C5orf22: variants seen among roughly 807,000 people sequenced by gnomAD.
C5orf22 encodes chromosome 5 open reading frame 22.
C5orf22 carries 36 observed loss-of-function variants against 48.7 expected under a neutral mutation model. That is an observed-to-expected ratio of 0.74 (90% CI 0.57 to 0.98). The LOEUF is 0.98. Among genes scored for constraint, C5orf22 ranks in the 50% least tolerant of loss-of-function variants. C5orf22 has a pLI of 0.00. For synonymous variants in C5orf22, 141 were observed against 180.8 expected (o/e 0.78, Z 1.76); for missense variants, 486 against 521.9 (o/e 0.93, Z 0.67).
At chr5:31,545,998 G>C (rs1039109575) in intron 7 of C5orf22, among the ~76,000 whole-genome samples, 2 of 152,064 alleles carry the variant, frequency 1.3e-5, no homozygotes, top group African/African-American at 4.8e-5. Flanking sequence ...CTCTTCACCA[G>C]ACAAAAGAAA....
At position 31,552,937 on chromosome 5, in the gene C5orf22, G is replaced by A; in HGVS notation, c.*35G>A. On this transcript the variant is annotated 3_prime_UTR_variant, in exon 9 of 9. Coordinates refer to ENST00000325366, the MANE Select transcript of C5orf22 (RefSeq NM_018356.3). The stretch of plus-strand genomic sequence containing the variant: ...AACATTAGGCTCCTGTTGTATCTTG[G>A]TTTAGTAACAGGCCCTTAATTAACT... The A allele has an allele frequency of 6.2e-7, 1 of 1,603,790 alleles. No individual in the cohort carries two copies. The highest frequency in any genetic ancestry group is 8.5e-7 in the Non-Finnish European group (1 of 1,174,022).
At chr5:31,544,560 G>T (rs1408630155) in intron 6 of C5orf22, among the ~76,000 whole-genome samples, 3 of 151,818 alleles carry the variant, frequency 2.0e-5, no homozygotes, top group Non-Finnish European at 2.9e-5. Flanking sequence ...CTCCAGCCTG[G>T]GCAACAGAGT....
chr5:31,552,744 TTTC>T (rs1412471050), intron 8 of C5orf22, 26 bp from the exon 9 acceptor site: 4 of 1,603,660 alleles, frequency 2.5e-6, no homozygotes, highest in Non-Finnish European at 3.4e-6. Flanking sequence ...TATGTGTATT[TTTC>T]TTCTTTCTCT....
At chr5:31,552,561 T>C (rs1228411604) in intron 8 of C5orf22, among the ~76,000 whole-genome samples, 9 of 152,238 alleles carry the variant, frequency 5.9e-5, no homozygotes, top group Admixed American at 5.9e-4. Context: ...TAATTGTGCC[T>C]ATTTCATAGA....
At chr5:31,536,997 C>T (rs1375797035) in intron 3 of C5orf22, among the ~76,000 whole-genome samples, 2 of 151,946 alleles carry the variant, frequency 1.3e-5, no homozygotes, top group African/African-American at 2.4e-5. Flanking sequence ...ATAATCTTGT[C>T]GTTTGCACAA....
At position 31,554,508 on chromosome 5, in the gene C5orf22, A is replaced by G. The variant is rs1269773795; in HGVS notation, c.*1606A>G. 6.6e-6 allele frequency: 1 copy of G among 152,206 alleles called. No homozygotes were observed. Among genetic ancestry groups the G allele is most frequent in the Non-Finnish European group, 1.5e-5 (1 of 68,028 alleles). The allele number at this position is 152,206 out of a possible 1,614,324, so 9.4% of individuals were successfully genotyped here. The stretch of plus-strand genomic sequence containing the variant: ...TGACTCAGCTTTCCATTTTCATAGG[A>G]TAATATGTGCCAAAAAAGGTTTATT... On this transcript the variant is annotated 3_prime_UTR_variant, in exon 9 of 9. Transcript: ENST00000325366.
Position 31,545,598 on chromosome 5 carries a change from A to G in C5orf22, c.993-48A>G, listed in dbSNP as rs571137427. 4.4e-5 allele frequency: 56 copies of G among 1,281,932 alleles called. No individual in the cohort carries two copies. The East Asian group carries it at 1.2e-3, about 28-fold the overall frequency. 79.4% of individuals were successfully genotyped at this position (1,281,932 alleles called of 1,614,324 possible). ...ATGTATAATTTGCTATTATCATTTT[A>G]GTTGTGGTGGTTGTGATGTTTAATT... On this transcript the variant is annotated intron_variant, in intron 6 of 8. Transcript: ENST00000325366.
chr5:31,543,960 A>C (rs7723974), intron 6 of C5orf22, among the ~76,000 whole-genome samples: 4,702 of 152,176 alleles, frequency 0.031, 263 homozygotes, highest in African/African-American at 0.11. Flanking sequence ...AGGGAGAAAA[A>C]AAATAGCATA....
chr5:31,551,477 T>C (rs1743263778), intron 8 of C5orf22, 45 bp downstream of exon 8: 2 of 1,441,570 alleles, frequency 1.4e-6, no homozygotes, highest in Non-Finnish European at 1.9e-6. Context: ...GATGTGCACA[T>C]CCTAATCTCT....
At chr5:31,534,851 C>G (rs1741976250) in intron 2 of C5orf22, 1 of 345,288 alleles carries the variant, frequency 2.9e-6, no homozygotes, top group Admixed American at 3.8e-5. Flanking sequence ...GCACTCCAGA[C>G]TGGGCAACAT....
intron 6 of C5orf22, among the ~76,000 whole-genome samples, chr5:31,544,355 G>A (rs189634621): frequency 1.0e-3 from 159 of 152,238 alleles, no homozygotes; most frequent in Admixed American, 2.2e-3. Context: ...AGGCCAAGGC[G>A]GGCGGATCAT....
intron 4 of C5orf22, among the ~76,000 whole-genome samples, chr5:31,540,149 G>A (rs954817994): frequency 1.6e-4 from 25 of 152,078 alleles, no homozygotes; most frequent in Admixed American, 1.2e-3. Flanking sequence ...TAACCTTTCC[G>A]ACCCATAGTT....
chr5:31,552,080 C>A (rs941346464), intron 8 of C5orf22, among the ~76,000 whole-genome samples: 4 of 152,176 alleles, frequency 2.6e-5, no homozygotes, highest in African/African-American at 9.7e-5. Context: ...TCACCCTTAT[C>A]CGGAACCAGG....
chr5:31,547,458 C>G (rs1397538567), intron 7 of C5orf22, among the ~76,000 whole-genome samples: 1 of 152,230 alleles, frequency 6.6e-6, no homozygotes, highest in Non-Finnish European at 1.5e-5. Flanking sequence ...GGATCCGACC[C>G]CACATTTCCC....
At position 31,538,594 on chromosome 5, in the gene C5orf22, AT is replaced by A. The variant is rs1561321601; in HGVS notation, c.714del (p.Leu239TrpfsTer4). 3.1e-6 allele frequency: 5 copies of A among 1,614,158 alleles called. No individual in the cohort carries two copies. The South Asian group carries it at 5.5e-5, about 18-fold the overall frequency. On this transcript the variant is annotated frameshift_variant, in exon 4 of 9. Coordinates refer to ENST00000325366, the MANE Select transcript of C5orf22 (RefSeq NM_018356.3). LOFTEE classifies it high-confidence loss of function. ...CCAGACTGCTGCCAGCACTGGGGAA[AT>A]TCTGGAAATTTTGAAGAAAGGGAAG... ...ECQTAASTGEILEILKKGKAF... is the reference protein window; with the variant it reads ...ECQTAASTGEXLEILKKGKAF...
rs774103324 is a variant in C5orf22 at position 31,532,444 on chromosome 5, C to T, written c.52C>T (p.Pro18Ser). 4.3e-6 allele frequency: 7 copies of T among 1,613,888 alleles called. No homozygotes were observed. The South Asian group carries it at 7.7e-5, about 18-fold the overall frequency. The change falls in exon 1 of 9, where the codon CCA becomes TCA. Residue 18 changes from proline to serine, a missense_variant. Pro to Ser is a moderately conservative substitution (Grantham distance 74). Transcript: ENST00000325366. ...RAGLRRYPKL[P>S]VWVVEDHQEV... ...TGGTCTCCGGCGTTACCCCAAGCTC[C>T]CAGTGTGGGTGGTGGAGGATCATCA...
chr5:31,541,105 AGTGTGTGTGT>A (rs35650579), intron 5 of C5orf22, 94 bp downstream of exon 5: 411 of 677,006 alleles, frequency 6.1e-4, no homozygotes, highest in African/African-American at 3.7e-3. Flanking sequence ...GACTGCTCAA[AGTGTGTGTGT>A]GTGTGTGTGT....
rs772582721 is a variant in C5orf22 at position 31,535,830 on chromosome 5, A to G, written c.314A>G (p.Gln105Arg). The change falls in exon 3 of 9, where the codon CAG becomes CGG. Residue 105 changes from glutamine to arginine, a missense_variant. Gln to Arg is a conservative substitution (Grantham distance 43, BLOSUM62 1). Around this residue, in one of 3 missense-constraint regions of C5orf22, gnomAD observed 408 missense variants for 444.0 expected, o/e 0.92. Coordinates refer to ENST00000325366, the MANE Select transcript of C5orf22 (RefSeq NM_018356.3). ...HVIWFHPTWA[Q>R]QIREGRHHFL... The stretch of plus-strand genomic sequence containing the variant: ...ATATGGTTTCATCCCACATGGGCTC[A>G]GCAGATCAGAGAGGGCAGACACCAC... 7.4e-6 allele frequency: 12 copies of G among 1,613,768 alleles called. No homozygotes were observed. Among genetic ancestry groups the G allele is most frequent in the Non-Finnish European group, 9.3e-6 (11 of 1,179,804 alleles).
At chr5:31,541,529 G>A in intron 6 of C5orf22, 127 bp downstream of exon 6, 2 of 946,762 alleles carry the variant, frequency 2.1e-6, no homozygotes, top group Non-Finnish European at 3.2e-6. Flanking sequence ...TGAGGCAGGA[G>A]AGGACCACTT....
Sources: allele counts gnomAD v4.1 joint callset (sites outside exome capture counted in the v4.1 genomes callset), GRCh38; gene constraint gnomAD v4.1.1; regional missense constraint gnomAD v4.1.1; transcripts MANE v1.5; gene names NCBI Gene and HGNC (gene_info 2026-07-23, HGNC 2026-07-21).